The following PDE4D variants were observed in gnomAD, a reference collection of about 807,000 sequenced individuals.
PDE4D encodes phosphodiesterase 4D, also known as 3',5'-cyclic-AMP phosphodiesterase 4D.
A neutral mutation model predicts 87.4 loss-of-function variants in PDE4D; 24 were observed. The observed-to-expected ratio is 0.27, with a 90% CI of 0.20 to 0.39. PDE4D has a LOEUF of 0.39. Ranked by LOEUF, PDE4D falls within the 10% of genes least tolerant of loss-of-function variation. The pLI is 1.00. For missense variants in PDE4D, 714 were observed against 1,041.0 expected (o/e 0.69, Z 4.32); for synonymous variants, 384 against 383.2 (o/e 1.00, Z -0.02).
chr5:59,595,792 G>A (rs1051865779), intron 1 of PDE4D, among the ~76,000 whole-genome samples: 1 of 151,830 alleles, frequency 6.6e-6, no homozygotes, highest in African/African-American at 2.4e-5. Context: ...AGGTCTGCTT[G>A]TATATTTCTT....
chr5:59,390,059 T>G (rs1268028464), intron 1 of PDE4D, among the ~76,000 whole-genome samples: 1 of 152,160 alleles, frequency 6.6e-6, no homozygotes, highest in Non-Finnish European at 1.5e-5. Context: ...TACCCTGATT[T>G]GATCATCACA....
chr5:59,602,370 TG>T (rs1474801476), intron 1 of PDE4D, among the ~76,000 whole-genome samples: 8 of 151,988 alleles, frequency 5.3e-5, no homozygotes, highest in African/African-American at 1.9e-4. Context: ...CAAGAAAAGA[TG>T]GCCACTCTTG....
chr5:60,064,537 TG>T (rs1562046636), intron 2 of PDE4D, among the ~76,000 whole-genome samples: 1 of 152,140 alleles, frequency 6.6e-6, no homozygotes, highest in Non-Finnish European at 1.5e-5. Flanking sequence ...CTTCTTATTT[TG>T]CACCCTTCCA....
chr5:59,479,393 A>G (rs1488594815), intron 1 of PDE4D, among the ~76,000 whole-genome samples: 1 of 152,078 alleles, frequency 6.6e-6, no homozygotes, highest in East Asian at 1.9e-4. Context: ...ATAAATAAAT[A>G]ACTAGATTTC....
At chr5:60,001,024 G>A (rs539297535) in intron 2 of PDE4D, among the ~76,000 whole-genome samples, 1 of 152,248 alleles carries the variant, frequency 6.6e-6, no homozygotes, top group South Asian at 2.1e-4. Flanking sequence ...CTTGTCCCCA[G>A]AGATGTATGC....
chr5:59,802,221 T>A lies in PDE4D; in HGVS notation c.455+90947A>T, dbSNP rs369487961. The stretch of plus-strand genomic sequence containing the variant: ...GGGACATGAAGATCAGTTTTTTGTT[T>A]TGTTTTGTTTTTGTTTTCATTTTTT... On this transcript the variant is annotated intron_variant, in intron 1 of 14. Transcript: ENST00000340635. Among the ~76,000 whole-genome samples the A allele has an allele frequency of 1.9e-3, 272 of 144,054 alleles. 1 individual carries two copies. The highest frequency in any genetic ancestry group is 6.6e-3 in the African/African-American group (247 of 37,634). The allele number at this position is 144,054 out of a possible 152,430, so 94.5% of individuals were successfully genotyped here.
chr5:59,482,297 G>A (rs1278885699), intron 1 of PDE4D, among the ~76,000 whole-genome samples: 2 of 152,082 alleles, frequency 1.3e-5, no homozygotes, highest in Non-Finnish European at 2.9e-5. Flanking sequence ...GTGATGATGT[G>A]TTTGTTGAAA....
chr5:59,137,396 GT>G (rs1777231060), intron 5 of PDE4D, among the ~76,000 whole-genome samples: 1 of 152,050 alleles, frequency 6.6e-6, no homozygotes, highest in Admixed American at 6.6e-5. Context: ...ATCTAAATGG[GT>G]TTTCAAGGCA....
At chr5:60,470,571 C>T (rs138384887) in intron 1 of PDE4D, among the ~76,000 whole-genome samples, 2 of 152,242 alleles carry the variant, frequency 1.3e-5, no homozygotes, top group East Asian at 1.9e-4. Context: ...AAAAGACAGG[C>T]TAACTCTCTT....
At chr5:59,178,482 C>T (rs558715228) in intron 5 of PDE4D, among the ~76,000 whole-genome samples, 2 of 152,228 alleles carry the variant, frequency 1.3e-5, no homozygotes, top group East Asian at 1.9e-4. Context: ...TGGTATTGCT[C>T]CAGGACCCCC....
At chr5:60,428,363 G>C (rs1426356263) in intron 1 of PDE4D, among the ~76,000 whole-genome samples, 1 of 151,294 alleles carries the variant, frequency 6.6e-6, no homozygotes, top group African/African-American at 2.4e-5. Context: ...AAAAGAGCAG[G>C]AAAGAAACAA....
At chr5:59,743,831 C>T (rs571403369) in intron 1 of PDE4D, among the ~76,000 whole-genome samples, 2 of 152,128 alleles carry the variant, frequency 1.3e-5, no homozygotes, top group African/African-American at 4.8e-5. Context: ...CAAATCATTA[C>T]ACTTCAATCA....
At chr5:59,199,489 T>C (rs1042227306) in intron 2 of PDE4D, among the ~76,000 whole-genome samples, 2 of 152,124 alleles carry the variant, frequency 1.3e-5, no homozygotes, top group South Asian at 2.1e-4. Context: ...GATTAGGAAA[T>C]TGATAAACAT....
intron 1 of PDE4D, among the ~76,000 whole-genome samples, chr5:59,630,529 G>A (rs1831432224): frequency 6.6e-6 from 1 of 152,174 alleles, no homozygotes; most frequent in South Asian, 2.1e-4. Context: ...GAAAATATGG[G>A]TGGTGGAAAG....
intron 1 of PDE4D, among the ~76,000 whole-genome samples, chr5:59,689,270 A>C (rs1211923896): frequency 1.3e-5 from 2 of 152,180 alleles, no homozygotes; most frequent in Admixed American, 1.3e-4. Context: ...ACAACAAAAA[A>C]AGAGAATTTT....
chr5:60,409,615 G>A (rs1011105280), intron 1 of PDE4D, among the ~76,000 whole-genome samples: 1 of 152,112 alleles, frequency 6.6e-6, no homozygotes, highest in Non-Finnish European at 1.5e-5. Flanking sequence ...ACATCACTGT[G>A]CTCTTCCTTG....
At chr5:59,247,621 T>C (rs1225180043) in intron 1 of PDE4D, among the ~76,000 whole-genome samples, 1 of 152,138 alleles carries the variant, frequency 6.6e-6, no homozygotes, top group African/African-American at 2.4e-5. Flanking sequence ...GATTATGTAA[T>C]AGGCACTTGC....
rs1742508955 is a variant in PDE4D at position 58,970,995 on chromosome 5, T to C, written c.*3669A>G. On this transcript the variant is annotated 3_prime_UTR_variant, in exon 15 of 15. Coordinates refer to ENST00000340635, the MANE Select transcript of PDE4D (RefSeq NM_001104631.2). ...TGGCAAACAACCATCACACATGCAG[T>C]GCTGCTCCCTGGCAAGAAGTACTTA... The C allele has an allele frequency of 6.6e-6, 1 of 151,828 alleles. No individual in the cohort carries two copies. Among genetic ancestry groups the C allele is most frequent in the Admixed American group, 6.6e-5 (1 of 15,236 alleles). The allele number at this position is 151,828 out of a possible 1,614,324, so 9.4% of individuals were successfully genotyped here.
chr5:59,327,486 A>G (rs1775930284), intron 1 of PDE4D, among the ~76,000 whole-genome samples: 1 of 152,138 alleles, frequency 6.6e-6, no homozygotes, highest in Non-Finnish European at 1.5e-5. Context: ...AAAGCATGAG[A>G]GCACTCAGAA....
Sources: allele counts gnomAD v4.1 joint callset (sites outside exome capture counted in the v4.1 genomes callset), GRCh38; gene constraint gnomAD v4.1.1; transcripts MANE v1.5; gene names NCBI Gene and HGNC (gene_info 2026-07-23, HGNC 2026-07-21).